Variants in GALNT14 observed in about 807,000 individuals in gnomAD.
GALNT14 encodes UDP-GalNAc:polypeptide N-acetylgalactosaminyltransferase 14.
GALNT14 carries 60 observed loss-of-function variants against 77.5 expected under a neutral mutation model. The ratio of observed to expected loss-of-function variants is 0.77; its 90% CI spans 0.63 to 0.96. The LOEUF (loss-of-function observed/expected upper bound fraction) is 0.96. Among genes scored for constraint, GALNT14 ranks in the 40% least tolerant of loss-of-function variants. The probability of loss-of-function intolerance (pLI) is 0.00; values close to 1 mark genes in which losing one functional copy is unlikely to be tolerated. For synonymous variants in GALNT14, 280 were observed against 281.7 expected (o/e 0.99, Z 0.06); for missense variants, 710 against 731.0 (o/e 0.97, Z 0.33).
chr2:31,005,613 A>T lies in GALNT14; in HGVS notation c.130-12606T>A, dbSNP rs117962005. Among the ~76,000 whole-genome samples the T allele has an allele frequency of 1.0e-3, 159 of 152,330 alleles. 3 individuals carry two copies. In the East Asian group the frequency reaches 0.024, roughly 23 times the overall value. On this transcript the variant is annotated intron_variant, in intron 1 of 14. Transcript: ENST00000349752. ...CTAATGGAGGGAAAACGCAATTTAC[A>T]GTCAGTCAATTTAAGTTTAGCTGCT...
At chr2:31,043,903 G>T (rs1411336003) in intron 1 of GALNT14, among the ~76,000 whole-genome samples, 1 of 152,046 alleles carries the variant, frequency 6.6e-6, no homozygotes, top group African/African-American at 2.4e-5. Flanking sequence ...TGGTGGGGTG[G>T]ACAAGAATAA....
At chr2:30,887,387 C>CT in the GALNT14 span, among the ~76,000 whole-genome samples, 899 of 151,990 alleles carry the variant, frequency 5.9e-3, 9 homozygotes, top group African/African-American at 0.021. Context: ...TAATTATTTT[C>CT]TTTTTTTTAA....
At chr2:30,927,164 C>G (rs1019616553) in intron 11 of GALNT14, among the ~76,000 whole-genome samples, 4 of 152,154 alleles carry the variant, frequency 2.6e-5, no homozygotes, top group African/African-American at 9.7e-5. Context: ...TTAGAATCAC[C>G]TGGTGTGGGG....
At chr2:31,127,096 A>G (rs1678740405) in intron 1 of GALNT14, among the ~76,000 whole-genome samples, 2 of 152,224 alleles carry the variant, frequency 1.3e-5, no homozygotes, top group Non-Finnish European at 1.5e-5. Context: ...ACATGTACTC[A>G]AGGAATTTCA....
At chr2:31,010,462 T>C (rs1011342263) in intron 1 of GALNT14, among the ~76,000 whole-genome samples, 2 of 152,040 alleles carry the variant, frequency 1.3e-5, no homozygotes, top group Non-Finnish European at 2.9e-5. Context: ...AATAAATAAA[T>C]AAATTAGCCG....
At chr2:30,994,457 ATCTC>A (rs796598705) in intron 1 of GALNT14, among the ~76,000 whole-genome samples, 2 of 152,038 alleles carry the variant, frequency 1.3e-5, no homozygotes, top group Non-Finnish European at 2.9e-5. Context: ...CCAGTAATTG[ATCTC>A]TCTCTCTCTG....
At chr2:30,988,559 G>A (rs1430647340) in intron 2 of GALNT14, among the ~76,000 whole-genome samples, 1 of 150,208 alleles carries the variant, frequency 6.7e-6, no homozygotes, top group Non-Finnish European at 1.5e-5. Context: ...TGGAGAAATG[G>A]AGAGGGCTGT....
At chr2:31,026,828 G>A (rs1672085386) in intron 1 of GALNT14, among the ~76,000 whole-genome samples, 1 of 152,192 alleles carries the variant, frequency 6.6e-6, no homozygotes, top group Non-Finnish European at 1.5e-5. Context: ...TCTGCTCCAA[G>A]TCCACAGTCC....
At chr2:30,959,837 A>G (rs953054412) in intron 3 of GALNT14, among the ~76,000 whole-genome samples, 12 of 152,008 alleles carry the variant, frequency 7.9e-5, no homozygotes, top group Admixed American at 7.2e-4. Flanking sequence ...AACACCCCAA[A>G]CCACGTGACT....
chr2:30,993,910 T>G (rs1453321625), intron 1 of GALNT14, among the ~76,000 whole-genome samples: 1 of 152,116 alleles, frequency 6.6e-6, no homozygotes, highest in East Asian at 1.9e-4. Context: ...GGGTCTGCCC[T>G]GCCCACACCG....
At chr2:30,905,642 A>G (rs1664122028), downstream of GALNT14, among the ~76,000 whole-genome samples, 1 of 151,814 alleles carries the variant, frequency 6.6e-6, no homozygotes, top group Admixed American at 6.6e-5. Flanking sequence ...ACTCTGCAGG[A>G]TATTATCCAG....
At chr2:30,938,959 T>C (rs767293129) in intron 9 of GALNT14, among the ~76,000 whole-genome samples, 3 of 152,254 alleles carry the variant, frequency 2.0e-5, no homozygotes, top group Non-Finnish European at 2.9e-5. Flanking sequence ...CTTAAACATG[T>C]CTCTCTAGGG....
intron 2 of GALNT14, among the ~76,000 whole-genome samples, chr2:30,966,739 G>C (rs1668033824): frequency 6.6e-6 from 1 of 152,100 alleles, no homozygotes; most frequent in Non-Finnish European, 1.5e-5. Context: ...ACTGTGTTCT[G>C]GGCTAACAGC....
intron 1 of GALNT14, among the ~76,000 whole-genome samples, chr2:31,110,746 G>A (rs1206241402): frequency 6.6e-6 from 1 of 152,234 alleles, no homozygotes; most frequent in East Asian, 1.9e-4. Flanking sequence ...TAAAACTGGG[G>A]GGAATTAATG....
At chr2:30,963,181 G>C (rs1034769114) in intron 3 of GALNT14, among the ~76,000 whole-genome samples, 3 of 152,186 alleles carry the variant, frequency 2.0e-5, no homozygotes, top group African/African-American at 4.8e-5. Context: ...CTTCTGAAAA[G>C]TACAGGGCTG....
intron 1 of GALNT14, among the ~76,000 whole-genome samples, chr2:31,013,052 G>T (rs1023788645): frequency 1.7e-4 from 26 of 152,162 alleles, no homozygotes; most frequent in Admixed American, 5.9e-4. Context: ...TCTAATTACT[G>T]ATACCAACTA....
intron 9 of GALNT14, among the ~76,000 whole-genome samples, chr2:30,937,695 G>A (rs1666137964): frequency 6.6e-6 from 1 of 152,014 alleles, no homozygotes; most frequent in Admixed American, 6.6e-5. Context: ...GTTTAAATTG[G>A]GTCCACTCAG....
intron 1 of GALNT14, among the ~76,000 whole-genome samples, chr2:31,135,656 T>C (rs1296577250): frequency 6.6e-6 from 1 of 152,182 alleles, no homozygotes; most frequent in Non-Finnish European, 1.5e-5. Flanking sequence ...GGTTCAAAAC[T>C]AGAAAACCTC....
At chr2:31,135,338 C>A (rs1451722036) in intron 1 of GALNT14, among the ~76,000 whole-genome samples, 2 of 152,184 alleles carry the variant, frequency 1.3e-5, no homozygotes, top group Non-Finnish European at 2.9e-5. Context: ...TTCGGTACCA[C>A]TGTGCTCCTT....
Sources: allele counts gnomAD v4.1 joint callset (sites outside exome capture counted in the v4.1 genomes callset), GRCh38; gene constraint gnomAD v4.1.1; transcripts MANE v1.5; gene names NCBI Gene and HGNC (gene_info 2026-07-23, HGNC 2026-07-21).